The following GATAD2A variants were observed in gnomAD, a reference collection of about 807,000 sequenced individuals.
The protein encoded by GATAD2A is transcriptional repressor p66-alpha.
In GATAD2A, 12 loss-of-function variants were observed where a neutral mutation model predicts 68.5. The observed-to-expected ratio is 0.18, with a 90% CI of 0.11 to 0.28. GATAD2A has a LOEUF of 0.28. Ranked by LOEUF, GATAD2A falls within the 10% of genes least tolerant of loss-of-function variation. The pLI, the probability that GATAD2A is intolerant of heterozygous loss-of-function variation, is 1.00. For missense variants in GATAD2A, 755 were observed against 868.5 expected, an observed-to-expected ratio of 0.87 and a Z score of 1.64; for synonymous variants, 410 against 375.3, an observed-to-expected ratio of 1.09 and a Z score of -1.07.
intron 1 of GATAD2A, among the ~76,000 whole-genome samples, chr19:19,411,052 C>T (rs765056200): frequency 6.6e-6 from 1 of 152,238 alleles, no homozygotes; most frequent in Non-Finnish European, 1.5e-5. Flanking sequence ...ACACCACCCT[C>T]ATGGCAAACT....
Position 19,465,517 on chromosome 19 carries a change from C to G in GATAD2A, c.172C>G (p.Gln58Glu). Reference sequence around the variant, plus strand: ...ACCTGAGCCGGGAGCAGGTCCAACCCAAGGATTGCTGAGGGCAACAGAGGC... The same window carrying G: ...ACCTGAGCCGGGAGCAGGTCCAACCGAAGGATTGCTGAGGGCAACAGAGGC... The part of the protein sequence containing the change: ...VTPEPGAGPT[Q>E]GLLRATEATA... The change falls in exon 2 of 12, where the codon CAA becomes GAA. Residue 58 changes from glutamine to glutamate, a missense_variant. Gln to Glu is a conservative substitution (Grantham distance 29). Transcript: ENST00000683918. 2 of 1,614,026 alleles carry G rather than the reference C, an allele frequency of 1.2e-6. No homozygotes were observed. The highest frequency in any genetic ancestry group is 1.7e-6 in the Non-Finnish European group (2 of 1,179,858).
At chr19:19,447,699 T>TC (rs1193467200) in intron 1 of GATAD2A, among the ~76,000 whole-genome samples, 1 of 152,218 alleles carries the variant, frequency 6.6e-6, no homozygotes, top group East Asian at 1.9e-4. Context: ...GCTGTGATCC[T>TC]CCCTGTGGCT....
intron 1 of GATAD2A, among the ~76,000 whole-genome samples, chr19:19,422,430 G>A (rs2052535009): frequency 1.3e-5 from 2 of 152,158 alleles, no homozygotes; most frequent in South Asian, 4.1e-4. Context: ...CTCCTAGCTG[G>A]CAGAGCCCCA....
chr19:19,403,250 G>A (rs1236060958), upstream of GATAD2A, among the ~76,000 whole-genome samples: 2 of 152,052 alleles, frequency 1.3e-5, no homozygotes, highest in African/African-American at 4.8e-5. Flanking sequence ...GTCCAGCACT[G>A]GGCACTGAGG....
At chr19:19,456,071 G>A (rs1234050726) in intron 1 of GATAD2A, among the ~76,000 whole-genome samples, 3 of 150,938 alleles carry the variant, frequency 2.0e-5, no homozygotes, top group African/African-American at 7.3e-5. Context: ...GGAGAATGGA[G>A]TGAACACGGG....
intron 1 of GATAD2A, among the ~76,000 whole-genome samples, chr19:19,458,854 T>C (rs911968544): frequency 1.3e-5 from 2 of 152,190 alleles, no homozygotes; most frequent in Non-Finnish European, 2.9e-5. Flanking sequence ...GTGTCCTTAG[T>C]CCTATGCGTT....
intron 1 of GATAD2A, among the ~76,000 whole-genome samples, chr19:19,428,754 G>C (rs1009013763): frequency 2.0e-5 from 3 of 152,158 alleles, no homozygotes; most frequent in African/African-American, 7.2e-5. Flanking sequence ...AAGGATACGG[G>C]GAGTGCAGAG....
chr19:19,478,012 G>C (rs1452365081), intron 2 of GATAD2A, among the ~76,000 whole-genome samples: 1 of 152,228 alleles, frequency 6.6e-6, no homozygotes, highest in South Asian at 2.1e-4. Context: ...TTTGTTGGCT[G>C]ATGATTAAAT....
chr19:19,431,966 G>T (rs2053801949), intron 1 of GATAD2A, among the ~76,000 whole-genome samples: 1 of 151,830 alleles, frequency 6.6e-6, no homozygotes, highest in Non-Finnish European at 1.5e-5. Flanking sequence ...CACACGGAGG[G>T]GTTAATTTTT....
intron 2 of GATAD2A, chr19:19,474,211 A>G (rs951581589): frequency 6.7e-5 from 65 of 971,036 alleles, no homozygotes; most frequent in Non-Finnish European, 8.0e-5. Flanking sequence ...CAGGGAAGGG[A>G]GAGGAGGGTG....
Position 19,429,284 on chromosome 19 carries a change from C to T in GATAD2A, c.-7+23265C>T. Reference sequence around the variant, plus strand: ...GGAGAGCTTGCCTGAGTAACAGGTGCTTGAACCCAAAGGATGGGTGGGAGC... The same window carrying T: ...GGAGAGCTTGCCTGAGTAACAGGTGTTTGAACCCAAAGGATGGGTGGGAGC... On this transcript the variant is annotated intron_variant, in intron 1 of 11. Transcript: ENST00000683918. 5.3e-6 allele frequency: 5 copies of T among 952,180 alleles called. No individual in the cohort carries two copies. In the South Asian group the frequency reaches 2.4e-4, roughly 46 times the overall value. 59.0% of individuals were successfully genotyped at this position (952,180 alleles called of 1,614,324 possible). A position where few individuals can be genotyped will look rare whatever the true frequency, so the allele number is the denominator to read the frequency against.
intron 1 of GATAD2A, among the ~76,000 whole-genome samples, chr19:19,443,223 G>A (rs1488639855): frequency 6.6e-6 from 1 of 152,206 alleles, no homozygotes; most frequent in Non-Finnish European, 1.5e-5. Flanking sequence ...GGTCCAGACA[G>A]TGATTCTCCC....
chr19:19,392,586 T>A (rs765758860), intron 1 of GATAD2A, among the ~76,000 whole-genome samples: 11 of 151,900 alleles, frequency 7.2e-5, no homozygotes, highest in Non-Finnish European at 1.5e-4. Context: ...GAGACGGGGT[T>A]TCACCATCTT....
At chr19:19,412,178 C>T (rs1025451232) in intron 1 of GATAD2A, among the ~76,000 whole-genome samples, 10 of 147,100 alleles carry the variant, frequency 6.8e-5, no homozygotes, top group African/African-American at 1.3e-4. Context: ...TTTGTTGAGA[C>T]GGAGTCTTGC....
chr19:19,496,604 G>A (rs929486668), intron 7 of GATAD2A, among the ~76,000 whole-genome samples: 11 of 152,242 alleles, frequency 7.2e-5, no homozygotes, highest in Admixed American at 1.3e-4. Context: ...GCCTTGGGGG[G>A]CACCGGAGCC....
At position 19,446,084 on chromosome 19, in the gene GATAD2A, C is replaced by T. The variant is rs76568394; in HGVS notation, c.-6-19256C>T. ...CTGTTTTACTTTCCACTGTTTTCCA[C>T]GTCACTCTACCGTTTTACTTTCCAC... On this transcript the variant is annotated intron_variant, in intron 1 of 11. Coordinates refer to ENST00000683918, the MANE Select transcript of GATAD2A (RefSeq NM_001384528.1). Among the ~76,000 whole-genome samples, 319 of 152,266 alleles carry T rather than the reference C, an allele frequency of 2.1e-3. 8 individuals are homozygous for T. In the East Asian group the frequency reaches 0.046, roughly 22 times the overall value.
chr19:19,422,131 T>C (rs980453638), intron 1 of GATAD2A, among the ~76,000 whole-genome samples: 1 of 152,202 alleles, frequency 6.6e-6, no homozygotes, highest in Non-Finnish European at 1.5e-5. Flanking sequence ...CCAGACCTTC[T>C]TATTTTTAGG....
At chr19:19,470,155 G>GT (rs377538131) in intron 2 of GATAD2A, among the ~76,000 whole-genome samples, 24,794 of 133,958 alleles carry the variant, frequency 0.19, 2,575 homozygotes, top group Middle Eastern at 0.27. Flanking sequence ...TTTTTTTTTT[G>GT]TTTTTTTTTT....
chr19:19,463,290 A>G (rs2057605857), intron 1 of GATAD2A, among the ~76,000 whole-genome samples: 1 of 152,168 alleles, frequency 6.6e-6, no homozygotes, highest in African/African-American at 2.4e-5. Flanking sequence ...CTGTGGTCTC[A>G]TGGGAGGCAA....
Sources: allele counts gnomAD v4.1 joint callset (sites outside exome capture counted in the v4.1 genomes callset), GRCh38; gene constraint gnomAD v4.1.1; transcripts MANE v1.5; gene names NCBI Gene and HGNC (gene_info 2026-07-23, HGNC 2026-07-21).